CACNA1E: variants seen among roughly 807,000 people sequenced by gnomAD.
CACNA1E encodes the protein calcium voltage-gated channel subunit alpha1 E, also known as voltage-dependent R-type calcium channel subunit alpha-1E.
Under a neutral mutation model 259.2 loss-of-function variants are expected in CACNA1E, and 40 were observed. The observed-to-expected ratio is 0.15, with a 90% confidence interval of 0.12 to 0.20. The LOEUF (loss-of-function observed/expected upper bound fraction) is 0.20. CACNA1E is among the 10% of genes least tolerant of loss of function. The probability of loss-of-function intolerance (pLI) is 1.00; values close to 1 mark genes in which losing one functional copy is unlikely to be tolerated. For missense variants in CACNA1E, 1,874 were observed against 3,040.1 expected, an observed-to-expected ratio of 0.62 and a Z score of 9.02; for synonymous variants, 1,104 against 1,138.5, an observed-to-expected ratio of 0.97 and a Z score of 0.61.
chr1:181,365,976 G>A (rs768204749), intron 1 of CACNA1E, among the ~76,000 whole-genome samples: 4 of 152,158 alleles, frequency 2.6e-5, no homozygotes, highest in Non-Finnish European at 4.4e-5. Flanking sequence ...CTGTAACTGG[G>A]GAGATGTTGC....
At chr1:181,509,215 C>T (rs903969634) in intron 1 of CACNA1E, among the ~76,000 whole-genome samples, 1 of 152,178 alleles carries the variant, frequency 6.6e-6, no homozygotes, top group Non-Finnish European at 1.5e-5. Flanking sequence ...GAGCAGCTCA[C>T]ATCTCATTGC....
intron 3 of CACNA1E, among the ~76,000 whole-genome samples, chr1:181,535,962 C>T (rs1441997705): frequency 1.3e-5 from 2 of 152,202 alleles, no homozygotes; most frequent in African/African-American, 4.8e-5. Flanking sequence ...GCTGGGATTA[C>T]AGGCATGAGC....
chr1:181,692,683 A>T (rs183796812), intron 7 of CACNA1E, among the ~76,000 whole-genome samples: 171 of 152,246 alleles, frequency 1.1e-3, no homozygotes, highest in African/African-American at 3.9e-3. Context: ...AAGACCTCAA[A>T]CTATGAGAAT....
chr1:181,512,018 G>C (rs1454811320), intron 3 of CACNA1E, among the ~76,000 whole-genome samples: 1 of 152,208 alleles, frequency 6.6e-6, no homozygotes, highest in East Asian at 1.9e-4. Context: ...TTGCAGATTT[G>C]TTAATAGTAT....
chr1:181,726,149 A>G lies in CACNA1E; in HGVS notation c.2227A>G (p.Met743Val), dbSNP rs369141114. Residue 743 changes from methionine to valine, a missense_variant, in exon 18 of 48, where the codon ATG (methionine) becomes GTG (valine). Met to Val is a conservative substitution (Grantham distance 21, BLOSUM62 1). This residue lies in a region of CACNA1E where 476 missense variants were observed against 514.0 expected (regional missense o/e 0.93). Coordinates refer to ENST00000367573, the MANE Select transcript of CACNA1E (RefSeq NM_001205293.3). ...GGTCAGCCCGATGTCTGCACCCAAC[A>G]TGCCTTCGATCGAGTGAGTCAGCTG... The part of the protein sequence containing the change: ...KEVSPMSAPN[M>V]PSIERDRRRR... The G allele has an allele frequency of 8.1e-6, 13 of 1,611,608 alleles. No individual in the cohort carries two copies. The highest frequency in any genetic ancestry group is 3.3e-5 in the South Asian group (3 of 90,512).
intron 6 of CACNA1E, among the ~76,000 whole-genome samples, chr1:181,592,689 A>G (rs970589223): frequency 6.6e-5 from 10 of 152,028 alleles, no homozygotes; most frequent in Non-Finnish European, 1.2e-4. Flanking sequence ...TTGGGAAGAG[A>G]GTGAAGAAAA....
At chr1:181,675,283 G>A (rs987690060) in intron 7 of CACNA1E, among the ~76,000 whole-genome samples, 2 of 152,148 alleles carry the variant, frequency 1.3e-5, no homozygotes, top group Non-Finnish European at 2.9e-5. Context: ...GCTACCCAAG[G>A]CCTTGCTCCG....
rs969568013 is a variant in CACNA1E at position 181,717,941 on chromosome 1, C to T, written c.1526-114C>T. 39 of 624,582 alleles carry T rather than the reference C, an allele frequency of 6.2e-5. No individual in the cohort carries two copies. The East Asian group carries it at 1.0e-3, about 16-fold the overall frequency. The allele number at this position is 624,582 out of a possible 1,614,324, so 38.7% of individuals were successfully genotyped here. ...GTCCAGCCCTGGCCTGATGTGGCCA[C>T]CGAATGTCCTGACGTGTGTTGTTGT... On this transcript the variant is annotated intron_variant, in intron 11 of 47. Coordinates refer to ENST00000367573, the MANE Select transcript of CACNA1E (RefSeq NM_001205293.3).
intron 6 of CACNA1E, among the ~76,000 whole-genome samples, chr1:181,615,005 C>T (rs1655081670): frequency 6.6e-6 from 1 of 152,068 alleles, no homozygotes; most frequent in South Asian, 2.1e-4. Context: ...TCAATTTTTA[C>T]TAAAAAAACT....
Position 181,724,536 on chromosome 1 carries a change from A to G in CACNA1E, c.2141A>G (p.Lys714Arg), listed in dbSNP as rs746293968. The G allele has an allele frequency of 1.9e-6, 3 of 1,610,966 alleles. No homozygotes were observed. In the South Asian group the frequency reaches 3.3e-5, roughly 18 times the overall value. Reference protein sequence around the residue: ...DNLANAQELTKDEQEEEEAFN... With the variant: ...DNLANAQELTRDEQEEEEAFN... ...CTCGCCAACGCCCAGGAACTGACCA[A>G]GGTAAGCATTGTTTTCTGGGGATCT... Residue 714 changes from lysine to arginine, a missense_variant and splice_region_variant, in exon 17 of 48, where the codon AAG (lysine) becomes AGG (arginine). Coordinates refer to ENST00000367573, the MANE Select transcript of CACNA1E (RefSeq NM_001205293.3).
intron 3 of CACNA1E, among the ~76,000 whole-genome samples, chr1:181,530,061 A>C (rs1667659162): frequency 6.6e-6 from 1 of 152,178 alleles, no homozygotes; most frequent in South Asian, 2.1e-4. Context: ...CATAATTCCC[A>C]CATGTTGTGG....
At chr1:181,412,441 G>C (rs1238621111) in intron 1 of CACNA1E, among the ~76,000 whole-genome samples, 2 of 152,152 alleles carry the variant, frequency 1.3e-5, no homozygotes, top group Non-Finnish European at 2.9e-5. Context: ...GTGGTGGTGT[G>C]TGCCTGTGGT....
rs762048402 is a variant in CACNA1E, at chr1:181,731,240, G to A, written c.2297+9G>A. 1 of 1,611,182 alleles carries A rather than the reference G, an allele frequency of 6.2e-7. No individual in the cohort carries two copies. The highest frequency in any genetic ancestry group is 1.7e-5 in the Admixed American group (1 of 60,010). Reference sequence around the variant, plus strand: ...CCACGCAGCAGCCACCTGTATGTGTGTACCAGTTTGCGTGTTTGTGAGTGG... The same window carrying A: ...CCACGCAGCAGCCACCTGTATGTGTATACCAGTTTGCGTGTTTGTGAGTGG... On this transcript the variant is annotated intron_variant, in intron 19 of 47. Transcript: ENST00000367573.
intron 3 of CACNA1E, among the ~76,000 whole-genome samples, chr1:181,531,541 C>A (rs756073467): frequency 2.6e-5 from 4 of 152,182 alleles, no homozygotes; most frequent in Non-Finnish European, 5.9e-5. Flanking sequence ...GGGTTCTGTG[C>A]AAACCTGTCC....
chr1:181,703,686 G>A (rs1218438190), intron 7 of CACNA1E, among the ~76,000 whole-genome samples: 1 of 152,190 alleles, frequency 6.6e-6, no homozygotes, highest in Admixed American at 6.5e-5. Context: ...GAAATGTCAT[G>A]AAGCTGTGGA....
At chr1:181,677,559 A>C (rs1649505788) in intron 7 of CACNA1E, among the ~76,000 whole-genome samples, 1 of 152,220 alleles carries the variant, frequency 6.6e-6, no homozygotes, top group African/African-American at 2.4e-5. Flanking sequence ...GCTAGTGTGC[A>C]ATTTCCTGAT....
chr1:181,726,188 T>A (rs1194251177), intron 18 of CACNA1E, 26 bp downstream of exon 18: 4 of 1,519,322 alleles, frequency 2.6e-6, no homozygotes, highest in East Asian at 2.3e-5. Context: ...CCTTCACTGA[T>A]CCCTGAGCTC....
At chr1:181,608,970 C>A (rs1024173010) in intron 6 of CACNA1E, among the ~76,000 whole-genome samples, 1 of 152,194 alleles carries the variant, frequency 6.6e-6, no homozygotes, top group African/African-American at 2.4e-5. Flanking sequence ...ACAGCCTGGG[C>A]CACACAGACA....
At chr1:181,536,458 A>G (rs1033548350) in intron 3 of CACNA1E, among the ~76,000 whole-genome samples, 3 of 152,214 alleles carry the variant, frequency 2.0e-5, no homozygotes. Flanking sequence ...CAATTGCACC[A>G]TCTCTAGGTA....
Sources: allele counts gnomAD v4.1 joint callset (sites outside exome capture counted in the v4.1 genomes callset), GRCh38; gene constraint gnomAD v4.1.1; regional missense constraint gnomAD v4.1.1; transcripts MANE v1.5; gene names NCBI Gene and HGNC (gene_info 2026-07-23, HGNC 2026-07-21).